Variants in PCDH15 observed in about 807,000 individuals in gnomAD.
PCDH15 encodes the protein protocadherin-15.
PCDH15 carries 129 observed loss-of-function variants against 178.5 expected under a neutral mutation model. The observed-to-expected ratio is 0.72, with a 90% CI of 0.63 to 0.84. The LOEUF (loss-of-function observed/expected upper bound fraction) is 0.84. Ranked by LOEUF, PCDH15 falls within the 40% of genes least tolerant of loss-of-function variation. The pLI is 0.00. For missense variants in PCDH15, 2,230 were observed against 2,099.9 expected (o/e 1.06, Z -1.21); for synonymous variants, 800 against 732.0 (o/e 1.09, Z -1.50).
At chr10:54,328,772 G>A (rs1464624196) in intron 7 of PCDH15, among the ~76,000 whole-genome samples, 2 of 148,698 alleles carry the variant, frequency 1.3e-5, no homozygotes, top group African/African-American at 5.0e-5. Flanking sequence ...AAGGCATTGG[G>A]AAAATAACCA....
At chr10:54,876,161 C>A (rs1289670025) in intron 3 of PCDH15, among the ~76,000 whole-genome samples, 1 of 152,080 alleles carries the variant, frequency 6.6e-6, no homozygotes, top group Non-Finnish European at 1.5e-5. Flanking sequence ...ATAAACATAA[C>A]AATGAAGCCT....
intron 1 of PCDH15, among the ~76,000 whole-genome samples, chr10:55,291,538 A>C (rs1333368870): frequency 2.0e-5 from 3 of 152,224 alleles, no homozygotes; most frequent in African/African-American, 7.2e-5. Flanking sequence ...TTTTGCCAAA[A>C]GATTAAATAA....
chr10:54,878,571 CT>C lies in PCDH15; in HGVS notation c.-29+18878del, dbSNP rs1047240234. On this transcript the variant is annotated intron_variant, in intron 3 of 5. Transcript: ENST00000458638. ...AGTTATGAAAATATTCAAACTTTCT[CT>C]TTTTTTTTGTATTCTTCTCTAAAAT... 3.9e-4 allele frequency among the ~76,000 whole-genome samples: 59 copies of C among 151,452 alleles called. No homozygotes were observed. The East Asian group carries it at 4.5e-3, about 11-fold the overall frequency.
chr10:54,295,728 T>C (rs747726256), intron 8 of PCDH15, among the ~76,000 whole-genome samples: 75 of 152,282 alleles, frequency 4.9e-4, no homozygotes, highest in Non-Finnish European at 8.2e-4. Context: ...TCCAGACACA[T>C]TTGGCAACCA....
chr10:54,789,577 T>C (rs1951199020), intron 1 of PCDH15, among the ~76,000 whole-genome samples: 1 of 151,950 alleles, frequency 6.6e-6, no homozygotes, highest in Non-Finnish European at 1.5e-5. Context: ...TATTTTACAG[T>C]GAAAATTGGC....
chr10:54,381,001 TGAAA>T (rs764418122), intron 3 of PCDH15, among the ~76,000 whole-genome samples: 2 of 151,322 alleles, frequency 1.3e-5, no homozygotes, highest in Non-Finnish European at 2.9e-5. Context: ...GCTGGTGTGT[TGAAA>T]GAGTTTTGTT....
chr10:54,832,095 G>A (rs1279662651), intron 3 of PCDH15, among the ~76,000 whole-genome samples: 1 of 151,918 alleles, frequency 6.6e-6, no homozygotes, highest in Non-Finnish European at 1.5e-5. Context: ...CATTTCTAAA[G>A]GTTCTTTTAT....
chr10:54,880,827 A>T (rs1218892112), intron 3 of PCDH15, among the ~76,000 whole-genome samples: 1 of 150,756 alleles, frequency 6.6e-6, no homozygotes, highest in African/African-American at 2.4e-5. Flanking sequence ...GAAAATTCTC[A>T]GTCTTTAATG....
intron 28 of PCDH15, among the ~76,000 whole-genome samples, chr10:53,849,049 A>T (rs1046659389): frequency 6.6e-6 from 1 of 152,146 alleles, no homozygotes; most frequent in African/African-American, 2.4e-5. Flanking sequence ...CCTAAAAGCA[A>T]AATGAAAATG....
chr10:54,818,507 C>A lies in PCDH15; in HGVS notation c.-29+78943G>T, dbSNP rs372349023. Among the ~76,000 whole-genome samples, 17 of 152,102 alleles carry A rather than the reference C, an allele frequency of 1.1e-4. No homozygotes were observed. In the East Asian group the frequency reaches 1.2e-3, roughly 10 times the overall value. On this transcript the variant is annotated intron_variant, in intron 3 of 5. Transcript: ENST00000458638. ...AAGTGACTGTAATTTCTGAAAGTAG[C>A]TGGTAAAGGCCATATATCTTCCATC... is the stretch of plus-strand genomic sequence containing the variant.
At chr10:55,150,289 C>T (rs2132100422) in intron 2 of PCDH15, among the ~76,000 whole-genome samples, 1 of 152,124 alleles carries the variant, frequency 6.6e-6, no homozygotes, top group African/African-American at 2.4e-5. Flanking sequence ...ATGTCAGTTA[C>T]TGAAAAGATA....
rs116346671 is a variant in PCDH15, at chr10:54,659,264, C to T, written c.91+4908G>A. 4.2e-3 allele frequency among the ~76,000 whole-genome samples: 647 copies of T among 152,236 alleles called. 5 individuals are homozygous for T. The highest frequency in any genetic ancestry group is 0.013 in the African/African-American group (559 of 41,540). On this transcript the variant is annotated intron_variant, in intron 2 of 37. Transcript: ENST00000644397. ...AAAGTAACTCCAGACTTAAATGGAA[C>T]TCTTGATCAAATGGATGTAATAGAC...
intron 26 of PCDH15, among the ~76,000 whole-genome samples, chr10:53,880,851 G>A (rs1470340353): frequency 6.6e-6 from 1 of 151,966 alleles, no homozygotes; most frequent in African/African-American, 2.4e-5. Flanking sequence ...AATAAGATCT[G>A]TCTCCTCGAA....
chr10:55,436,697 G>T (rs987945892), intron 2 of PCDH15, among the ~76,000 whole-genome samples: 1 of 152,048 alleles, frequency 6.6e-6, no homozygotes, highest in African/African-American at 2.4e-5. Flanking sequence ...AATTGTCTCT[G>T]CAAATTTGCG....
At chr10:54,633,127 A>C (rs1590707387) in intron 2 of PCDH15, among the ~76,000 whole-genome samples, 1 of 152,262 alleles carries the variant, frequency 6.6e-6, no homozygotes, top group Admixed American at 6.6e-5. Context: ...AAAAAGCCCA[A>C]GTAAATGAGA....
intron 3 of PCDH15, among the ~76,000 whole-genome samples, chr10:54,421,910 CA>C (rs1955527707): frequency 9.3e-6 from 1 of 107,422 alleles, no homozygotes. Context: ...TATATATATA[CA>C]CTATATATAT....
At chr10:54,421,939 A>ATACACTATATATATATC (rs1955563122) in intron 3 of PCDH15, among the ~76,000 whole-genome samples, 1 of 118,278 alleles carries the variant, frequency 8.5e-6, no homozygotes, top group Admixed American at 8.2e-5. Flanking sequence ...CTATATATAT[A>ATACACTATATATATATC]TATATAAAAA....
chr10:54,851,969 G>A (rs974253191), intron 3 of PCDH15, among the ~76,000 whole-genome samples: 10 of 151,988 alleles, frequency 6.6e-5, no homozygotes, highest in African/African-American at 2.4e-4. Flanking sequence ...TTTTGAATTG[G>A]CCTATTCTTA....
chr10:55,243,778 C>T (rs1311734612), intron 1 of PCDH15, among the ~76,000 whole-genome samples: 1 of 152,134 alleles, frequency 6.6e-6, no homozygotes, highest in African/African-American at 2.4e-5. Context: ...AAATTCAGAA[C>T]AGCTTTGACT....
Sources: gnomAD v4.1 joint callset for allele counts (sites outside exome capture counted in the v4.1 genomes callset) on GRCh38, gnomAD v4.1.1 for gene constraint, MANE v1.5 for transcripts, NCBI Gene and HGNC (gene_info 2026-07-23, HGNC 2026-07-21) for gene names.